The following KIF5A variants were observed in gnomAD, a reference collection of about 807,000 sequenced individuals.
KIF5A encodes the protein kinesin heavy chain isoform 5A.
A neutral mutation model predicts 141.3 loss-of-function variants in KIF5A; 35 were observed. The ratio of observed to expected loss-of-function variants is 0.25; its 90% CI spans 0.19 to 0.33. KIF5A has a LOEUF of 0.33. KIF5A is among the 10% of genes least tolerant of loss of function. The pLI is 1.00. For missense variants in KIF5A, 861 were observed against 1,314.3 expected (o/e 0.66, Z 5.33); for synonymous variants, 448 against 500.2 (o/e 0.90, Z 1.39).
At chr12:57,582,074 C>CA in intron 26 of KIF5A, 122 bp downstream of exon 26, 3 of 792,124 alleles carry the variant, frequency 3.8e-6, no homozygotes, top group Admixed American at 2.3e-5. Context: ...GCCAAGGCTT[C>CA]AAATAAAAAA....
intron 8 of KIF5A, 40 bp from the exon 9 acceptor site, chr12:57,568,923 G>A (rs750772018): frequency 8.5e-6 from 12 of 1,404,512 alleles, no homozygotes; most frequent in Non-Finnish European, 1.2e-5. Context: ...CTCTCCATGT[G>A]CAGCTGCTCA....
intron 1 of KIF5A, among the ~76,000 whole-genome samples, chr12:57,554,631 T>C (rs1881677490): frequency 6.6e-6 from 1 of 152,188 alleles, no homozygotes; most frequent in African/African-American, 2.4e-5. Flanking sequence ...GGCTGGGTAA[T>C]TTATAAAGAA....
intron 26 of KIF5A, 124 bp from the exon 27 acceptor site, chr12:57,582,478 A>G (rs970350170): frequency 1.2e-6 from 1 of 806,722 alleles, no homozygotes; most frequent in African/African-American, 1.7e-5. Context: ...CTAAGGAGAA[A>G]GTGTCACAGC....
In KIF5A at chr12:57,572,704, T is replaced by C. The variant is rs1161389904; in HGVS notation, c.1694T>C (p.Val565Ala). Reference protein sequence around the residue: ...MKDLSEFSVIVGNGEIKLPVE... With the variant: ...MKDLSEFSVIAGNGEIKLPVE... ...GATCTGAGCGAGTTCAGTGTCATTG[T>C]GGGCAACGGGGAGATTAAGCTGGTG... The change falls in exon 15 of 29, where the codon GTG becomes GCG. Residue 565 changes from valine (V) to alanine (A), a missense_variant. By Grantham distance (64) the Val-to-Ala change is moderately conservative. Transcript: ENST00000455537. The surrounding 1 kb of genome is among the most constrained non-coding windows in gnomAD (Gnocchi z 4.2). 1.2e-6 allele frequency: 2 copies of C among 1,614,202 alleles called. No homozygotes were observed. Among genetic ancestry groups the C allele is most frequent in the Admixed American group, 1.7e-5 (1 of 60,020 alleles).
At chr12:57,555,621 A>G (rs551710605) in intron 1 of KIF5A, among the ~76,000 whole-genome samples, 4 of 151,860 alleles carry the variant, frequency 2.6e-5, no homozygotes, top group East Asian at 1.9e-4. Context: ...AAATTAAAAA[A>G]ACAAATTGGC....
chr12:57,578,407 A>C, intron 23 of KIF5A, 65 bp downstream of exon 23: 1 of 1,086,112 alleles, frequency 9.2e-7, no homozygotes, highest in Non-Finnish European at 1.4e-6. Flanking sequence ...CCAAATCCTC[A>C]GAGGCCCCTT....
At chr12:57,554,803 C>T (rs770479002) in intron 1 of KIF5A, among the ~76,000 whole-genome samples, 28 of 152,084 alleles carry the variant, frequency 1.8e-4, no homozygotes, top group Non-Finnish European at 2.9e-4. Flanking sequence ...CAAGAGGTGC[C>T]AAGCTCTTTT....
chr12:57,562,286 G>C lies in KIF5A; in HGVS notation c.130-1153G>C, dbSNP rs140511808. 8.1e-3 allele frequency among the ~76,000 whole-genome samples: 1,238 copies of C among 152,306 alleles called. 20 individuals are homozygous for C. The highest frequency in any genetic ancestry group is 0.028 in the African/African-American group (1,180 of 41,572). On this transcript the variant is annotated intron_variant, in intron 1 of 28. Coordinates refer to ENST00000455537, the MANE Select transcript of KIF5A (RefSeq NM_004984.4). ...GCTGGAGTGCAGTGGCGCAATCTTG[G>C]CTCACTGCAACCTCCGCCTCCTGGG...
intron 9 of KIF5A, 82 bp downstream of exon 9, chr12:57,569,149 C>T (rs1481953901): frequency 1.9e-6 from 3 of 1,552,468 alleles, no homozygotes; most frequent in South Asian, 1.1e-5. Context: ...TATGATCATG[C>T]CCCAATTCAT....
chr12:57,575,979 C>T, intron 17 of KIF5A, 108 bp from the exon 18 acceptor site: 5 of 1,085,494 alleles, frequency 4.6e-6, no homozygotes, highest in Admixed American at 3.4e-5. Context: ...CACAGAAGAA[C>T]ATCCCTGTGG....
At chr12:57,557,011 G>T (rs1678509) in intron 1 of KIF5A, among the ~76,000 whole-genome samples, 63,927 of 151,830 alleles carry the variant, frequency 0.42, 13,896 homozygotes, top group East Asian at 0.7. Context: ...TTGACACTCA[G>T]TATTAACCAT....
chr12:57,566,743 G>A (rs1882077093), intron 6 of KIF5A, among the ~76,000 whole-genome samples: 1 of 150,282 alleles, frequency 6.7e-6, no homozygotes, highest in African/African-American at 2.4e-5. Flanking sequence ...AAATACGTAA[G>A]ATAAAAATAA....
chr12:57,582,084 A>C (rs1882623715), intron 26 of KIF5A, 132 bp downstream of exon 26: 1 of 757,260 alleles, frequency 1.3e-6, no homozygotes, highest in Admixed American at 2.1e-5. Context: ...CAAATAAAAA[A>C]AAAAATACAT....
rs771062974 is a variant in KIF5A, at chr12:57,576,157, TA to T, written c.2088+8del. ...AGGATGCAGATGAAGTGAAGGTGAG[TA>T]AGGAAGGTGTCAGGGACAATTGGGG... On this transcript the variant is annotated splice_region_variant and intron_variant, in intron 18 of 28. Transcript: ENST00000455537. 6.2e-7 allele frequency: 1 copy of T among 1,613,580 alleles called. No individual in the cohort carries two copies.
At chr12:57,575,552 G>T (rs1882395097) in intron 16 of KIF5A, 88 bp from the exon 17 acceptor site, 5 of 1,125,610 alleles carry the variant, frequency 4.4e-6, no homozygotes, top group Non-Finnish European at 6.8e-6. Flanking sequence ...AGGGAGGGCT[G>T]GGAGGAGAGC....
At chr12:57,583,437 G>T (rs1882668616) in intron 28 of KIF5A, among the ~76,000 whole-genome samples, 1 of 152,066 alleles carries the variant, frequency 6.6e-6, no homozygotes, top group Admixed American at 6.5e-5. Flanking sequence ...TTTCCGTTAG[G>T]CTACAGTGGT....
At position 57,567,141 on chromosome 12, in the gene KIF5A, T is replaced by G; in HGVS notation, c.517T>G (p.Phe173Val). 1 of 1,612,448 alleles carries G rather than the reference T, an allele frequency of 6.2e-7. No homozygotes were observed. Among genetic ancestry groups the G allele is most frequent in the Non-Finnish European group, 8.5e-7 (1 of 1,178,896 alleles). Residue 173 changes from phenylalanine (F) to valine (V), a missense_variant, in exon 7 of 29, where the codon TTT becomes GTT. Physicochemically the swap from Phe to Val is conservative, Grantham distance 50. Around this residue, in one of 5 missense-constraint regions of KIF5A, gnomAD observed 146 missense variants for 353.4 expected, o/e 0.41. Transcript: ENST00000455537. ...VPFVKGCTER[F>V]VSSPEEILDV... ...TCCCCCACAGGGTTGTACTGAACGC[T>G]TTGTGTCCAGCCCGGAGGAGATTCT...
At chr12:57,557,256 T>TA (rs776630963) in intron 1 of KIF5A, among the ~76,000 whole-genome samples, 4,513 of 146,670 alleles carry the variant, frequency 0.031, 88 homozygotes, top group Non-Finnish European at 0.047. Context: ...AAAAGGAAAT[T>TA]AAAAAAAAAA....
intron 19 of KIF5A, 54 bp from the exon 20 acceptor site, chr12:57,576,707 C>A: frequency 7.6e-7 from 1 of 1,312,828 alleles, no homozygotes; most frequent in Non-Finnish European, 1.1e-6. Context: ...GCCTTCCCTT[C>A]CCCCTCATTA....
Sources: allele counts gnomAD v4.1 joint callset (sites outside exome capture counted in the v4.1 genomes callset), GRCh38; gene constraint gnomAD v4.1.1; regional missense constraint gnomAD v4.1.1; non-coding constraint Gnocchi (gnomAD v3.1); transcripts MANE v1.5; gene names NCBI Gene and HGNC (gene_info 2026-07-23, HGNC 2026-07-21).